The following CCDC7 variants were observed in gnomAD, a reference collection of about 807,000 sequenced individuals.
The protein encoded by CCDC7 is coiled-coil domain containing 7, also known as coiled-coil domain-containing protein 7.
Under a neutral mutation model 196.9 loss-of-function variants are expected in CCDC7, and 183 were observed. That is an observed-to-expected ratio of 0.93 (90% CI 0.82 to 1.05). CCDC7 has a LOEUF of 1.05. Among genes scored for constraint, CCDC7 ranks in the 50% least tolerant of loss-of-function variants. The pLI is 0.00. For synonymous variants in CCDC7, 525 were observed against 484.6 expected (o/e 1.08, Z -1.10); for missense variants, 1,540 against 1,482.2 (o/e 1.04, Z -0.64).
At chr10:32,673,726 T>G (rs1178690123) in intron 21 of CCDC7, among the ~76,000 whole-genome samples, 1 of 149,078 alleles carries the variant, frequency 6.7e-6, no homozygotes, top group African/African-American at 2.5e-5. Context: ...CAATAACAAA[T>G]AGTGAGACTG....
At chr10:32,880,774 A>G (rs1469429880), downstream of CCDC7, among the ~76,000 whole-genome samples, 2 of 152,106 alleles carry the variant, frequency 1.3e-5, no homozygotes, top group African/African-American at 4.8e-5. Context: ...TTATCACAGC[A>G]CCATTTATTA....
intron 3 of CCDC7, among the ~76,000 whole-genome samples, chr10:32,457,940 A>AT (rs200314231): frequency 4.6e-5 from 7 of 150,648 alleles, no homozygotes; most frequent in African/African-American, 7.3e-5. Context: ...TGTTAGATGA[A>AT]TTTTTTTTTG....
chr10:32,519,943 C>A (rs971271036), intron 11 of CCDC7, among the ~76,000 whole-genome samples: 2 of 152,060 alleles, frequency 1.3e-5, no homozygotes, highest in African/African-American at 2.4e-5. Flanking sequence ...TGATTTTTAA[C>A]CCCCACGAAT....
chr10:32,575,817 A>G (rs896315579), intron 16 of CCDC7, among the ~76,000 whole-genome samples: 1 of 152,062 alleles, frequency 6.6e-6, no homozygotes, highest in Non-Finnish European at 1.5e-5. Context: ...ATTATTATAG[A>G]TCTCTCCATC....
rs1293909435 is a variant in CCDC7, at chr10:32,636,616, C to T, written c.2014+1458C>T. ...ATGTATATGTGCCACATTTTCTTAA[C>T]CCAGTCTATCATTGTTGGACATTTG... On this transcript the variant is annotated intron_variant, in intron 20 of 41. Transcript: ENST00000639629. Among the ~76,000 whole-genome samples, 13 of 152,194 alleles carry T rather than the reference C, an allele frequency of 8.5e-5. No individual in the cohort carries two copies. The South Asian group carries it at 1.5e-3, about 17-fold the overall frequency.
At chr10:32,616,632 A>G (rs1399235102) in intron 18 of CCDC7, among the ~76,000 whole-genome samples, 2 of 150,696 alleles carry the variant, frequency 1.3e-5, no homozygotes, top group Admixed American at 1.3e-4. Context: ...TGACTTCCTC[A>G]TTTCTAATTT....
intron 20 of CCDC7, 83 bp downstream of exon 21, chr10:32,635,241 A>G (rs1038443204): frequency 5.1e-6 from 2 of 390,324 alleles, no homozygotes; most frequent in Non-Finnish European, 4.5e-6. Context: ...TATATCTACA[A>G]CTTTTTTTGT....
chr10:32,714,251 C>T (rs543459140), intron 25 of CCDC7, among the ~76,000 whole-genome samples: 58 of 152,072 alleles, frequency 3.8e-4, no homozygotes, highest in Non-Finnish European at 6.9e-4. Context: ...TCAAGGAGGG[C>T]GAGCAGAAGC....
At chr10:32,451,324 A>T (rs1002719935), upstream of CCDC7, among the ~76,000 whole-genome samples, 5 of 152,256 alleles carry the variant, frequency 3.3e-5, no homozygotes, top group Admixed American at 6.5e-5. Flanking sequence ...CATACCTTAG[A>T]TTAAAAATTA....
At chr10:32,476,070 A>G (rs1050210508) in intron 8 of CCDC7, among the ~76,000 whole-genome samples, 8 of 152,212 alleles carry the variant, frequency 5.3e-5, no homozygotes, top group Non-Finnish European at 7.3e-5. Context: ...ATTATTAACT[A>G]AAGTCCATAG....
At chr10:32,498,819 T>C (rs540948692) in intron 9 of CCDC7, among the ~76,000 whole-genome samples, 100 of 152,042 alleles carry the variant, frequency 6.6e-4, no homozygotes, top group African/African-American at 2.3e-3. Flanking sequence ...CTTAACATTT[T>C]TTTTTTTTTC....
At chr10:32,732,901 T>G (rs2084233524) in intron 28 of CCDC7, among the ~76,000 whole-genome samples, 1 of 152,136 alleles carries the variant, frequency 6.6e-6, no homozygotes, top group Admixed American at 6.5e-5. Flanking sequence ...TTTTGTATTA[T>G]TATAGCTTAG....
rs1040807271 is a variant in CCDC7 at position 32,730,519 on chromosome 10, G to A, written c.2905+1062G>A. Among the ~76,000 whole-genome samples, 5 of 151,666 alleles carry A rather than the reference G, an allele frequency of 3.3e-5. No individual in the cohort carries two copies. In the East Asian group the frequency reaches 9.6e-4, roughly 29 times the overall value. ...ATAAGGAAAAATTTTAAATATACAA[G>A]TATTTGTAATAATGTTTATAGTAGT... On this transcript the variant is annotated intron_variant, in intron 28 of 41. Transcript: ENST00000639629.
intron 21 of CCDC7, among the ~76,000 whole-genome samples, chr10:32,679,711 A>G (rs2075572111): frequency 1.3e-5 from 2 of 152,168 alleles, no homozygotes; most frequent in Non-Finnish European, 2.9e-5. Flanking sequence ...CAGAGCATCC[A>G]GTCCTATTTG....
intron 18 of CCDC7, among the ~76,000 whole-genome samples, chr10:32,625,348 A>G (rs2063895063): frequency 6.6e-6 from 1 of 151,168 alleles, no homozygotes; most frequent in Non-Finnish European, 1.5e-5. Context: ...TCTCTAACCT[A>G]TTTGTTTGAC....
intron 5 of CCDC7, among the ~76,000 whole-genome samples, chr10:32,464,018 T>A (rs1385513598): frequency 6.6e-6 from 1 of 152,174 alleles, no homozygotes; most frequent in Non-Finnish European, 1.5e-5. Flanking sequence ...TGTCATCTTC[T>A]TTTCATCCAT....
chr10:32,511,258 G>GGGGGA, intron 9 of CCDC7: 1 of 652,004 alleles, frequency 1.5e-6, no homozygotes, highest in Non-Finnish European at 2.5e-6. Context: ...ATTCTGTGGG[G>GGGGGA]GGCGGGGGGG....
At chr10:32,496,011 C>A (rs929681001) in intron 9 of CCDC7, among the ~76,000 whole-genome samples, 1 of 152,184 alleles carries the variant, frequency 6.6e-6, no homozygotes, top group African/African-American at 2.4e-5. Flanking sequence ...GGTATTGATT[C>A]TTCCTATCTA....
exon 40 of CCDC7, chr10:32,851,873 G>C (rs773726700): frequency 3.7e-6 from 6 of 1,611,948 alleles, no homozygotes; most frequent in Non-Finnish European, 5.1e-6. Flanking sequence ...AGAACATATA[G>C]GGCTGGTCCA....
Sources: allele counts gnomAD v4.1 joint callset (sites outside exome capture counted in the v4.1 genomes callset), GRCh38; gene constraint gnomAD v4.1.1; transcripts MANE v1.5; gene names NCBI Gene and HGNC (gene_info 2026-07-23, HGNC 2026-07-21).